SMC2: variants seen among roughly 807,000 people sequenced by gnomAD.
The protein encoded by SMC2 is structural maintenance of chromosomes 2.
SMC2 carries 41 observed loss-of-function variants against 142.6 expected under a neutral mutation model. The ratio of observed to expected loss-of-function variants is 0.29; its 90% confidence interval spans 0.22 to 0.37. The LOEUF (loss-of-function observed/expected upper bound fraction) is 0.37, where lower values mean the gene tolerates loss of function less well. Ranked by LOEUF, SMC2 falls within the 10% of genes least tolerant of loss-of-function variation. The pLI, the probability that SMC2 is intolerant of heterozygous loss-of-function variation, is 1.00. For synonymous variants in SMC2, 463 were observed against 457.5 expected (o/e 1.01, Z -0.15); for missense variants, 1,265 against 1,373.7 (o/e 0.92, Z 1.25).
At chr9:104,097,637 G>T (rs1439105272) in intron 3 of SMC2, among the ~76,000 whole-genome samples, 1 of 151,508 alleles carries the variant, frequency 6.6e-6, no homozygotes, top group East Asian at 1.9e-4. Flanking sequence ...CTACCTAATT[G>T]TTCCTGTCCT....
chr9:104,138,368 T>C (rs937053416), intron 24 of SMC2, among the ~76,000 whole-genome samples: 1 of 152,100 alleles, frequency 6.6e-6, no homozygotes, highest in African/African-American at 2.4e-5. Flanking sequence ...AGCTAGGCAT[T>C]AAAAATGTTG....
Position 104,102,516 on chromosome 9 carries a change from G to A in SMC2, c.963G>A (p.Lys321=). The A allele has an allele frequency of 6.2e-7, 1 of 1,613,576 alleles. No homozygotes were observed. The highest frequency in any genetic ancestry group is 1.3e-5 in the African/African-American group (1 of 74,992). Residue 321 remains lysine (K), a synonymous_variant, in exon 9 of 25, where the codon AAG becomes AAA. Coordinates refer to ENST00000374793, the MANE Select transcript of SMC2 (RefSeq NM_006444.3). ...CTCAAAGCGCATTTGATCTCAAGAA[G>A]AAAAATCTGGCATGTGAGGAAAGCA... is the stretch of plus-strand genomic sequence containing the variant. ...TKSQSAFDLK[K]KNLACEESKR... is the part of the protein sequence containing the mutation.
chr9:104,119,543 T>G (rs1306253395), intron 15 of SMC2, among the ~76,000 whole-genome samples: 2 of 152,224 alleles, frequency 1.3e-5, no homozygotes, highest in Non-Finnish European at 2.9e-5. Flanking sequence ...TTATGCTACA[T>G]CTGCTGCAGA....
At chr9:104,130,314 C>T (rs1036453316) in intron 21 of SMC2, among the ~76,000 whole-genome samples, 2 of 152,070 alleles carry the variant, frequency 1.3e-5, no homozygotes, top group African/African-American at 4.8e-5. Context: ...CCTAACCTGA[C>T]AAAACTTTGA....
intron 10 of SMC2, 129 bp from the exon 11 acceptor site, chr9:104,113,187 C>A: frequency 1.7e-6 from 1 of 594,512 alleles, no homozygotes; most frequent in Non-Finnish European, 2.8e-6. Context: ...AATACTAATC[C>A]AAGAGACCAA....
intron 9 of SMC2, among the ~76,000 whole-genome samples, chr9:104,109,774 T>C (rs1022766862): frequency 6.6e-6 from 1 of 152,148 alleles, no homozygotes; most frequent in African/African-American, 2.4e-5. Flanking sequence ...AGTTAAGTTG[T>C]CATAAATGCA....
At chr9:104,094,071 TGGGGCTGACCATA>T (rs1242030169), upstream of SMC2, among the ~76,000 whole-genome samples, 2 of 151,688 alleles carry the variant, frequency 1.3e-5, no homozygotes, top group Admixed American at 6.6e-5. Context: ...GGCCGAGGTG[TGGGGCTGACCATA>T]GAGTGCCGGA....
rs982396881 is a variant in SMC2 at position 104,139,333 on chromosome 9, T to G, written c.*18T>G. On this transcript the variant is annotated 3_prime_UTR_variant, in exon 25 of 25. Coordinates refer to ENST00000374793, the MANE Select transcript of SMC2 (RefSeq NM_006444.3). ...AAGTTTAAACTACAAAGTTATTTCT[T>G]CATCTTGACCTGTTTTTTTAAATGT... The G allele has an allele frequency of 2.4e-5, 37 of 1,558,384 alleles. No individual in the cohort carries two copies. The highest frequency in any genetic ancestry group is 3.0e-5 in the Non-Finnish European group (35 of 1,161,474).
At chr9:104,093,379 C>T (rs1285032368), upstream of SMC2, among the ~76,000 whole-genome samples, 1 of 152,042 alleles carries the variant, frequency 6.6e-6, no homozygotes, top group Non-Finnish European at 1.5e-5. Flanking sequence ...TAAAAGCATG[C>T]AATCTGGAGC....
intron 21 of SMC2, among the ~76,000 whole-genome samples, chr9:104,131,093 G>T (rs529520388): frequency 6.6e-6 from 1 of 152,260 alleles, no homozygotes; most frequent in African/African-American, 2.4e-5. Flanking sequence ...TCCTTGAAAT[G>T]TAGGGCTTTG....
chr9:104,126,699 A>T lies in SMC2; in HGVS notation c.2510A>T (p.Lys837Ile). 2 of 1,612,936 alleles carry T rather than the reference A, an allele frequency of 1.2e-6. No homozygotes were observed. The highest frequency in any genetic ancestry group is 1.7e-6 in the Non-Finnish European group (2 of 1,179,536). Reference protein sequence around the residue: ...EELKREHTSYKQQLEAVNEAI... With the variant: ...EELKREHTSYIQQLEAVNEAI... ...CTCAAGAGAGAGCATACATCTTACA[A>T]ACAACAGCTTGAAGCTGTAAATGAA... is the stretch of plus-strand genomic sequence containing the variant. The change falls in exon 19 of 25, where the codon AAA (lysine) becomes ATA (isoleucine). Residue 837 changes from lysine to isoleucine, a missense_variant. Physicochemically the swap from Lys to Ile is moderately radical, Grantham distance 102. Coordinates refer to ENST00000374793, the MANE Select transcript of SMC2 (RefSeq NM_006444.3).
chr9:104,116,095 A>G (rs963639722), intron 13 of SMC2, 105 bp from the exon 14 acceptor site: 28 of 977,012 alleles, frequency 2.9e-5, no homozygotes, highest in Non-Finnish European at 4.1e-5. Flanking sequence ...CTTGATTGGG[A>G]TAAATGGCAC....
chr9:104,138,189 CAGTAAT>C, intron 24 of SMC2, 24 bp downstream of exon 24: 1 of 1,559,554 alleles, frequency 6.4e-7, no homozygotes, highest in Non-Finnish European at 8.7e-7. Flanking sequence ...AAAAAAGTCT[CAGTAAT>C]AGTTTAATTA....
intron 7 of SMC2, among the ~76,000 whole-genome samples, chr9:104,101,041 G>T (rs150576210): frequency 9.6e-4 from 146 of 152,204 alleles, no homozygotes; most frequent in African/African-American, 3.4e-3. Context: ...GGTCTCAAGG[G>T]ATCCTCCCAC....
In SMC2 at chr9:104,095,429, T is replaced by C. The variant is rs1431353750; in HGVS notation, c.45T>C (p.Ala15=). 6.2e-7 allele frequency: 1 copy of C among 1,613,808 alleles called. No homozygotes were observed. The highest frequency in any genetic ancestry group is 8.5e-7 in the Non-Finnish European group (1 of 1,179,922). The change falls in exon 2 of 25, where the codon GCT becomes GCC. Residue 15 remains alanine (A), a synonymous_variant. Coordinates refer to ENST00000374793, the MANE Select transcript of SMC2 (RefSeq NM_006444.3). The part of the protein sequence containing the change: ...SIILEGFKSY[A]QRTEVNGFDP... ...TTCTAGAGGGATTCAAGTCCTATGC[T>C]CAGAGGACCGAAGTCAATGGTTTTG...
intron 5 of SMC2, 97 bp downstream of exon 5, chr9:104,099,779 C>A: frequency 1.2e-6 from 1 of 801,322 alleles, no homozygotes; most frequent in Non-Finnish European, 2.0e-6. Flanking sequence ...TTTTTGGAGA[C>A]ATTATTTGGG....
At position 104,127,437 on chromosome 9, in the gene SMC2, A is replaced by G. The variant is rs1476238254; in HGVS notation, c.2747A>G (p.Asn916Ser). 8.7e-6 allele frequency: 14 copies of G among 1,612,596 alleles called. No individual in the cohort carries two copies. The highest frequency in any genetic ancestry group is 6.7e-5 in the African/African-American group (5 of 74,836). Residue 916 changes from asparagine to serine, a missense_variant, in exon 20 of 25, where the codon AAC becomes AGC. Physicochemically the swap from Asn to Ser is conservative, Grantham distance 46. Transcript: ENST00000374793. ...CTTAAAATTAAGGAATTAGACCACA[A>G]CATCAGCAAACATAAACGGGAGGCT... ...SQLKIKELDHNISKHKREAED... is the reference protein window; with the variant it reads ...SQLKIKELDHSISKHKREAED...
upstream of SMC2, chr9:104,092,030 C>T (rs1050876726): frequency 6.6e-6 from 1 of 152,192 alleles, no homozygotes; most frequent in Non-Finnish European, 1.5e-5. Flanking sequence ...TGTTTCTACC[C>T]CTCACATCTC....
chr9:104,088,978 G>GT, the SMC2 span, among the ~76,000 whole-genome samples: 1 of 108,414 alleles, frequency 9.2e-6, no homozygotes, highest in African/African-American at 3.4e-5. Flanking sequence ...GTTCACAACA[G>GT]TTAAAAAAAA....
Sources: gnomAD v4.1 joint callset for allele counts (sites outside exome capture counted in the v4.1 genomes callset) on GRCh38, gnomAD v4.1.1 for gene constraint, MANE v1.5 for transcripts, NCBI Gene and HGNC (gene_info 2026-07-23, HGNC 2026-07-21) for gene names.